The following ACBD5 variants were observed in gnomAD, a reference collection of about 807,000 sequenced individuals.
ACBD5 encodes the protein acyl-CoA-binding domain-containing protein 5.
Under a neutral mutation model 71.8 loss-of-function variants are expected in ACBD5, and 40 were observed. That is an observed-to-expected ratio of 0.56 (90% CI 0.43 to 0.72). The LOEUF (loss-of-function observed/expected upper bound fraction) is 0.72, where lower values mean the gene tolerates loss of function less well. ACBD5 is among the 30% of genes least tolerant of loss of function. ACBD5 has a pLI of 0.00. For synonymous variants in ACBD5, 229 were observed against 218.6 expected (o/e 1.05, Z -0.42); for missense variants, 559 against 644.5 (o/e 0.87, Z 1.44).
intron 12 of ACBD5, 122 bp from the exon 13 acceptor site, chr10:27,197,564 T>C (rs758498106): frequency 2.7e-5 from 21 of 766,582 alleles, no homozygotes; most frequent in Non-Finnish European, 4.4e-5. Flanking sequence ...CAACAGTCTT[T>C]ATAGAACTAC....
chr10:27,223,254 T>C, intron 5 of ACBD5, 84 bp downstream of exon 5: 1 of 1,043,654 alleles, frequency 9.6e-7, no homozygotes, highest in African/African-American at 1.6e-5. Context: ...CGCGTGAAAG[T>C]AAGAAAAAAA....
intron 13 of ACBD5, among the ~76,000 whole-genome samples, chr10:27,188,318 T>C (rs1441453030): frequency 6.6e-6 from 1 of 152,188 alleles, no homozygotes; most frequent in Non-Finnish European, 1.5e-5. Context: ...CTATTATCCT[T>C]TTATGGTATT....
intron 13 of ACBD5, among the ~76,000 whole-genome samples, chr10:27,189,765 T>TA (rs926529859): frequency 1.4e-5 from 1 of 72,220 alleles, no homozygotes; most frequent in Non-Finnish European, 2.9e-5. Context: ...TAAAGTATAA[T>TA]AAAAATATAT....
chr10:27,238,895 A>G (rs1389582438), intron 2 of ACBD5, among the ~76,000 whole-genome samples: 1 of 152,134 alleles, frequency 6.6e-6, no homozygotes, highest in Non-Finnish European at 1.5e-5. Flanking sequence ...ACCTATAATT[A>G]CTTTCTAAAT....
rs886046960 is a variant in ACBD5, at chr10:27,186,413, C to T, written c.1494-3698G>A. 6.2e-7 allele frequency: 1 copy of T among 1,614,088 alleles called. No homozygotes were observed. ...GTCATCCTCTCTTCAGTGATGTGGA[C>T]TGGGAAAATCTGCAGCATCAGACTA... On this transcript the variant is annotated intron_variant, in intron 13 of 13. Coordinates refer to the ACBD5 transcript ENST00000676511.
intron 9 of ACBD5, 145 bp from the exon 10 acceptor site, chr10:27,208,590 C>T (rs1421366149): frequency 1.0e-6 from 1 of 989,400 alleles, no homozygotes; most frequent in Non-Finnish European, 1.5e-6. Context: ...GTAATCCCAG[C>T]ACTTTGGGAG....
downstream of ACBD5, among the ~76,000 whole-genome samples, chr10:27,194,931 G>A (rs921582242): frequency 6.6e-6 from 1 of 152,124 alleles, no homozygotes; most frequent in Admixed American, 6.5e-5. Flanking sequence ...GAGAGGCGGA[G>A]GTTGCAGTGA....
intron 2 of ACBD5, among the ~76,000 whole-genome samples, chr10:27,236,122 A>C (rs1284045728): frequency 1.3e-5 from 2 of 152,048 alleles, no homozygotes; most frequent in Admixed American, 1.3e-4. Context: ...TCAAAAAAAA[A>C]AAAAAAAAAA....
At chr10:27,191,107 TA>T (rs1344526512), downstream of ACBD5, among the ~76,000 whole-genome samples, 1 of 152,218 alleles carries the variant, frequency 6.6e-6, no homozygotes, top group African/African-American at 2.4e-5. Flanking sequence ...CACATCTATA[TA>T]ATGGGCTATT....
chr10:27,240,515 A>C lies in ACBD5; in HGVS notation c.16-31T>G, dbSNP rs1170585662. The C allele has an allele frequency of 3.8e-6, 6 of 1,574,278 alleles. No homozygotes were observed. Among genetic ancestry groups the C allele is most frequent in the Non-Finnish European group, 5.2e-6 (6 of 1,158,872 alleles). ...ACATGGAGCGCAGCCGCGGATCAAC[A>C]TGCCCCAAAAGGAGGAGGCCCGGGA... On this transcript the variant is annotated intron_variant, in intron 1 of 12. Transcript: ENST00000396271. This position sits in a 1 kb window ranked among gnomAD's most constrained non-coding sequence, Gnocchi z 4.1.
At chr10:27,236,730 A>G (rs2064753333) in intron 2 of ACBD5, among the ~76,000 whole-genome samples, 1 of 152,096 alleles carries the variant, frequency 6.6e-6, no homozygotes, top group Non-Finnish European at 1.5e-5. Context: ...CTCTACTAAA[A>G]TACAAAAATT....
At chr10:27,219,643 A>G in intron 6 of ACBD5, 80 bp downstream of exon 6, 3 of 1,575,924 alleles carry the variant, frequency 1.9e-6, no homozygotes, top group East Asian at 2.3e-5. Context: ...AATCTTCTAC[A>G]ATACCAAATC....
chr10:27,209,922 C>T (rs4749237), intron 9 of ACBD5, among the ~76,000 whole-genome samples: 6 of 152,102 alleles, frequency 3.9e-5, no homozygotes, highest in Admixed American at 2.6e-4. Context: ...AGGATGAGTT[C>T]AAATTTTTTC....
At chr10:27,187,175 C>G (rs1353624476) in intron 13 of ACBD5, among the ~76,000 whole-genome samples, 2 of 152,168 alleles carry the variant, frequency 1.3e-5, no homozygotes, top group East Asian at 3.9e-4. Context: ...TGGTGGGCGC[C>G]TGTAGTCCCA....
At chr10:27,188,192 G>A (rs746226567) in intron 13 of ACBD5, among the ~76,000 whole-genome samples, 3 of 110,196 alleles carry the variant, frequency 2.7e-5, no homozygotes, top group Non-Finnish European at 7.3e-5. Context: ...TACTGAGCTT[G>A]TTTTAGTAAT....
rs1377073448 is a variant in ACBD5, at chr10:27,240,133, G to T, written c.181+186C>A. Among the ~76,000 whole-genome samples the T allele has an allele frequency of 6.6e-6, 1 of 152,162 alleles. No individual in the cohort carries two copies. The highest frequency in any genetic ancestry group is 1.5e-5 in the Non-Finnish European group (1 of 68,044). On this transcript the variant is annotated intron_variant, in intron 2 of 12. Coordinates refer to ENST00000396271, the MANE Select transcript of ACBD5 (RefSeq NM_145698.5). This position sits in a 1 kb window ranked among gnomAD's most constrained non-coding sequence, Gnocchi z 4.1. ...AACAATATGAAGTACTTAAAATCTG[G>T]ATATTAGATTTTTCTCCGGTTTGGA...
At chr10:27,228,811 ATATATTTTTTTT>A (rs1269110474) in intron 4 of ACBD5, among the ~76,000 whole-genome samples, 935 of 15,844 alleles carry the variant, frequency 0.059, 19 homozygotes, top group African/African-American at 0.084. Context: ...ATATATATAT[ATATATTTTTTTT>A]TTTTTTTTTT....
Position 27,240,101 on chromosome 10 carries a change from T to C in ACBD5, c.181+218A>G, listed in dbSNP as rs1031495174. 2.0e-5 allele frequency among the ~76,000 whole-genome samples: 3 copies of C among 152,236 alleles called. No homozygotes were observed. Among genetic ancestry groups the C allele is most frequent in the African/African-American group, 7.2e-5 (3 of 41,458 alleles). On this transcript the variant is annotated intron_variant, in intron 2 of 12. Transcript: ENST00000396271. This position sits in a 1 kb window ranked among gnomAD's most constrained non-coding sequence, Gnocchi z 4.1. Reference sequence around the variant, plus strand: ...CGCAGTCATTAAGTGACAAGACTTTTGTTTTCAACAATATGAAGTACTTAA... The same window carrying C: ...CGCAGTCATTAAGTGACAAGACTTTCGTTTTCAACAATATGAAGTACTTAA...
downstream of ACBD5, among the ~76,000 whole-genome samples, chr10:27,191,161 A>G (rs2059061567): frequency 6.6e-6 from 1 of 152,180 alleles, no homozygotes; most frequent in South Asian, 2.1e-4. Context: ...AAAGACACAG[A>G]TGAATCTTAA....
Sources: allele counts gnomAD v4.1 joint callset (sites outside exome capture counted in the v4.1 genomes callset), GRCh38; gene constraint gnomAD v4.1.1; non-coding constraint Gnocchi (gnomAD v3.1); transcripts MANE v1.5; gene names NCBI Gene and HGNC (gene_info 2026-07-23, HGNC 2026-07-21).